The following DGKB variants were observed in gnomAD, a reference collection of about 807,000 sequenced individuals.
The protein encoded by DGKB is diacylglycerol kinase beta, also known as 90 kDa diacylglycerol kinase.
Under a neutral mutation model 114.3 loss-of-function variants are expected in DGKB, and 67 were observed. That is an observed-to-expected ratio of 0.59 (90% CI 0.48 to 0.72). The LOEUF (loss-of-function observed/expected upper bound fraction) is 0.72. Ranked by LOEUF, DGKB falls within the 30% of genes least tolerant of loss-of-function variation. The probability of loss-of-function intolerance (pLI) is 0.00; values close to 1 mark genes in which losing one functional copy is unlikely to be tolerated. For missense variants in DGKB, 907 were observed against 975.2 expected (o/e 0.93, Z 0.93); for synonymous variants, 398 against 323.1 (o/e 1.23, Z -2.49).
At chr7:14,676,467 G>C (rs938719682) in intron 12 of DGKB, among the ~76,000 whole-genome samples, 9 of 152,072 alleles carry the variant, frequency 5.9e-5, no homozygotes, top group African/African-American at 2.2e-4. Context: ...TGCTTGAAAG[G>C]ATGGATACCC....
chr7:14,712,499 C>T (rs1827529556), intron 6 of DGKB, among the ~76,000 whole-genome samples: 2 of 151,980 alleles, frequency 1.3e-5, no homozygotes, highest in South Asian at 4.1e-4. Context: ...TGGTGAAACC[C>T]CATCTCTACT....
upstream of DGKB, among the ~76,000 whole-genome samples, chr7:14,903,520 C>G (rs1783452456): frequency 6.6e-6 from 1 of 152,112 alleles, no homozygotes; most frequent in African/African-American, 2.4e-5. Flanking sequence ...TGATACCCGT[C>G]TCCCCTCTCC....
At chr7:14,968,285 G>C (rs1040352967) in intron 1 of DGKB, among the ~76,000 whole-genome samples, 8 of 151,840 alleles carry the variant, frequency 5.3e-5, no homozygotes, top group Non-Finnish European at 1.0e-4. Context: ...TGAGGCTTTA[G>C]AACATTTGAT....
At chr7:14,496,335 A>C (rs1414779829) in intron 20 of DGKB, among the ~76,000 whole-genome samples, 1 of 151,716 alleles carries the variant, frequency 6.6e-6, no homozygotes, top group Admixed American at 6.6e-5. Flanking sequence ...AAAATATAAA[A>C]GTTTAAAAGG....
intron 23 of DGKB, among the ~76,000 whole-genome samples, chr7:14,334,994 T>C (rs2128566199): frequency 6.6e-6 from 1 of 152,326 alleles, no homozygotes; most frequent in Admixed American, 6.5e-5. Context: ...TGTGATTATG[T>C]TTCAGAATTG....
chr7:14,852,494 A>AAAAAAAAAAAAAAAAAAAAAAG (rs1187968977), intron 1 of DGKB, among the ~76,000 whole-genome samples: 2 of 148,638 alleles, frequency 1.3e-5, no homozygotes, highest in African/African-American at 4.9e-5. Context: ...AGTCAAAAAA[A>AAAAAAAAAAAAAAAAAAAAAAG]AAACAGAAAT....
intron 23 of DGKB, among the ~76,000 whole-genome samples, chr7:14,250,006 G>A (rs1794994760): frequency 6.6e-6 from 1 of 151,698 alleles, no homozygotes; most frequent in Non-Finnish European, 1.5e-5. Context: ...CCAGGCTGGA[G>A]TGCAGTCGTG....
At chr7:14,204,837 T>A (rs942660787) in intron 23 of DGKB, among the ~76,000 whole-genome samples, 3 of 152,050 alleles carry the variant, frequency 2.0e-5, no homozygotes, top group Non-Finnish European at 2.9e-5. Flanking sequence ...AGAAATGTAT[T>A]ACTATAAATT....
intron 6 of DGKB, among the ~76,000 whole-genome samples, chr7:14,710,338 A>AT: frequency 6.6e-6 from 1 of 152,260 alleles, no homozygotes; most frequent in East Asian, 1.9e-4. Context: ...ACAGAAATAC[A>AT]AGTGATTTTT....
intron 23 of DGKB, among the ~76,000 whole-genome samples, chr7:14,304,046 A>AACACACACACACACAC (rs773102280): frequency 8.0e-5 from 9 of 112,726 alleles, no homozygotes; most frequent in South Asian, 3.8e-4. Context: ...GTTCTTATAG[A>AACACACACACACACAC]ACACACACAC....
intron 13 of DGKB, among the ~76,000 whole-genome samples, chr7:14,647,168 C>T (rs956820844): frequency 2.6e-5 from 4 of 152,056 alleles, no homozygotes; most frequent in African/African-American, 9.7e-5. Context: ...TCATTAGAAA[C>T]TGTTATGAAC....
intron 23 of DGKB, among the ~76,000 whole-genome samples, chr7:14,226,484 T>A (rs1790824607): frequency 6.6e-6 from 1 of 152,066 alleles, no homozygotes; most frequent in Non-Finnish European, 1.5e-5. Context: ...TAATATATTC[T>A]TTAAAATTAA....
intron 1 of DGKB, among the ~76,000 whole-genome samples, chr7:14,889,472 T>C (rs1257395117): frequency 6.6e-6 from 1 of 151,594 alleles, no homozygotes; most frequent in Non-Finnish European, 1.5e-5. Flanking sequence ...ACTTCCAGTG[T>C]AGTAGGCCTG....
intron 1 of DGKB, among the ~76,000 whole-genome samples, chr7:14,876,141 C>T (rs1853248698): frequency 6.6e-6 from 1 of 152,150 alleles, no homozygotes; most frequent in Non-Finnish European, 1.5e-5. Flanking sequence ...GACATGCCCA[C>T]CAGTGTGCCA....
intron 13 of DGKB, among the ~76,000 whole-genome samples, chr7:14,661,077 G>A (rs908058706): frequency 4.0e-5 from 6 of 151,628 alleles, no homozygotes; most frequent in South Asian, 2.1e-4. Flanking sequence ...AGACTTAAAT[G>A]TTAGACCTAA....
intron 1 of DGKB, among the ~76,000 whole-genome samples, chr7:14,962,219 T>C (rs1786887529): frequency 6.6e-6 from 1 of 152,148 alleles, no homozygotes; most frequent in South Asian, 2.1e-4. Flanking sequence ...ATCTTGTATA[T>C]CCATATTCTG....
chr7:14,645,302 C>T lies in DGKB; in HGVS notation c.1135-15034G>A, dbSNP rs112419480. On this transcript the variant is annotated intron_variant, in intron 13 of 25. Coordinates refer to ENST00000402815, the MANE Select transcript of DGKB (RefSeq NM_001350709.2). ...GCACATACCTTGATCCTTTTGGTCA[C>T]GGACAAGAAACTGGAAATCCTTGAA... Among the ~76,000 whole-genome samples, 1,069 of 152,174 alleles carry T rather than the reference C, an allele frequency of 7.0e-3. 11 individuals are homozygous for T. Among genetic ancestry groups the T allele is most frequent in the African/African-American group, 0.024 (1,006 of 41,510 alleles).
In DGKB at chr7:14,571,060, T is replaced by C. The variant is rs377573635; in HGVS notation, c.1770+3152A>G. 5.5e-4 allele frequency among the ~76,000 whole-genome samples: 84 copies of C among 152,296 alleles called. 1 individual carries two copies. In the South Asian group the frequency reaches 0.017, roughly 30 times the overall value. On this transcript the variant is annotated intron_variant, in intron 20 of 25. Transcript: ENST00000402815. ...TAGCAAAAAAACCCTGCTTTAGTCATGACAATCAAGCAGACATTGCCAAAT... is the reference window on the plus strand; with the variant it reads ...TAGCAAAAAAACCCTGCTTTAGTCACGACAATCAAGCAGACATTGCCAAAT...
chr7:14,835,134 G>C (rs1846972817), intron 2 of DGKB, among the ~76,000 whole-genome samples: 1 of 152,138 alleles, frequency 6.6e-6, no homozygotes, highest in African/African-American at 2.4e-5. Context: ...AGAAGAAAGA[G>C]TCAGAAATGA....
Sources: allele counts gnomAD v4.1 joint callset (sites outside exome capture counted in the v4.1 genomes callset), GRCh38; gene constraint gnomAD v4.1.1; transcripts MANE v1.5; gene names NCBI Gene and HGNC (gene_info 2026-07-23, HGNC 2026-07-21).